The following LRRC4C variants were observed in gnomAD, a reference collection of about 807,000 sequenced individuals.
LRRC4C encodes leucine-rich repeat-containing protein 4C.
In LRRC4C, 5 loss-of-function variants were observed where a neutral mutation model predicts 33.6. The observed-to-expected ratio is 0.15, with a 90% CI of 0.08 to 0.31. The LOEUF (loss-of-function observed/expected upper bound fraction) is 0.31. Ranked by LOEUF, LRRC4C falls within the 10% of genes least tolerant of loss-of-function variation. The probability of loss-of-function intolerance (pLI) is 1.00; values close to 1 mark genes in which losing one functional copy is unlikely to be tolerated. For synonymous variants in LRRC4C, 329 were observed against 302.0 expected (o/e 1.09, Z -0.93); for missense variants, 560 against 796.7 (o/e 0.70, Z 3.58).
intron 3 of LRRC4C, among the ~76,000 whole-genome samples, chr11:40,344,354 C>A (rs1947022699): frequency 6.6e-6 from 1 of 152,030 alleles, no homozygotes; most frequent in African/African-American, 2.4e-5. Context: ...AACATATAAG[C>A]AAATCAATAA....
At chr11:40,901,063 C>G (rs1956175365) in intron 2 of LRRC4C, among the ~76,000 whole-genome samples, 1 of 151,926 alleles carries the variant, frequency 6.6e-6, no homozygotes, top group African/African-American at 2.4e-5. Context: ...TTTTCAATTC[C>G]TTTTCTTTTA....
chr11:40,470,044 C>G (rs538887639), intron 3 of LRRC4C, among the ~76,000 whole-genome samples: 2 of 152,324 alleles, frequency 1.3e-5, no homozygotes, highest in Admixed American at 1.3e-4. Context: ...AAGGGACAGA[C>G]TGCCTCCTCA....
At chr11:40,387,117 A>G (rs760031205) in intron 3 of LRRC4C, among the ~76,000 whole-genome samples, 8 of 152,170 alleles carry the variant, frequency 5.3e-5, no homozygotes, top group Non-Finnish European at 8.8e-5. Flanking sequence ...GAGTTGGAGA[A>G]ATTATATAGA....
chr11:41,445,205 C>T (rs762695118), intron 1 of LRRC4C, among the ~76,000 whole-genome samples: 1 of 152,214 alleles, frequency 6.6e-6, no homozygotes, highest in African/African-American at 2.4e-5. Flanking sequence ...TTCACCATCT[C>T]TCTTCCTTCC....
chr11:41,121,973 G>A (rs1250025427), intron 1 of LRRC4C, among the ~76,000 whole-genome samples: 1 of 152,008 alleles, frequency 6.6e-6, no homozygotes, highest in Non-Finnish European at 1.5e-5. Flanking sequence ...ACAAATGGTA[G>A]GGGAATGACA....
intron 4 of LRRC4C, among the ~76,000 whole-genome samples, chr11:40,281,195 C>T (rs984569926): frequency 2.0e-5 from 3 of 152,136 alleles, no homozygotes; most frequent in Non-Finnish European, 4.4e-5. Context: ...TCCATTCTTG[C>T]CTTCCTGCAC....
chr11:40,141,676 T>C (rs1325000942), intron 5 of LRRC4C, among the ~76,000 whole-genome samples: 3 of 151,488 alleles, frequency 2.0e-5, no homozygotes, highest in Non-Finnish European at 2.9e-5. Context: ...CTATCAAGAG[T>C]AAGTATGGAG....
At chr11:41,018,913 A>T (rs980454901) in intron 1 of LRRC4C, among the ~76,000 whole-genome samples, 3 of 152,082 alleles carry the variant, frequency 2.0e-5, no homozygotes, top group Non-Finnish European at 4.4e-5. Context: ...ATATGCTGTA[A>T]AATTTACCCT....
chr11:40,574,130 C>G (rs1335665817), intron 3 of LRRC4C, among the ~76,000 whole-genome samples: 1 of 152,136 alleles, frequency 6.6e-6, no homozygotes, highest in African/African-American at 2.4e-5. Flanking sequence ...AAAAAACTCT[C>G]TCTAGAGAAA....
At chr11:41,091,401 T>C (rs1940407295) in intron 1 of LRRC4C, among the ~76,000 whole-genome samples, 1 of 152,054 alleles carries the variant, frequency 6.6e-6, no homozygotes, top group Non-Finnish European at 1.5e-5. Flanking sequence ...TGCTTATGGC[T>C]AAAATAATTA....
chr11:40,578,459 A>G (rs1399635850), intron 3 of LRRC4C, among the ~76,000 whole-genome samples: 2 of 152,092 alleles, frequency 1.3e-5, no homozygotes, highest in Non-Finnish European at 2.9e-5. Context: ...TGTAAGAGAT[A>G]ATACTACTGA....
intron 1 of LRRC4C, among the ~76,000 whole-genome samples, chr11:41,221,009 T>G (rs552339711): frequency 2.4e-4 from 37 of 152,326 alleles, no homozygotes; most frequent in African/African-American, 8.7e-4. Context: ...TATTTTAAGT[T>G]CGGGGGTACA....
chr11:40,790,618 G>C (rs1565065858), intron 2 of LRRC4C, among the ~76,000 whole-genome samples: 1 of 152,186 alleles, frequency 6.6e-6, no homozygotes, highest in African/African-American at 2.4e-5. Context: ...TCAAACAGAA[G>C]CATAGACAAC....
intron 3 of LRRC4C, among the ~76,000 whole-genome samples, chr11:40,325,885 AC>A (rs1236676501): frequency 2.6e-5 from 4 of 152,072 alleles, no homozygotes; most frequent in Non-Finnish European, 5.9e-5. Context: ...GATACTACTC[AC>A]AATTAGATTA....
At chr11:41,356,248 T>A (rs1244963777) in intron 1 of LRRC4C, among the ~76,000 whole-genome samples, 2 of 152,174 alleles carry the variant, frequency 1.3e-5, no homozygotes, top group Non-Finnish European at 2.9e-5. Flanking sequence ...TTATGAATGA[T>A]GTTATAGGTA....
chr11:40,171,994 G>A (rs1020756356), intron 5 of LRRC4C, among the ~76,000 whole-genome samples: 16 of 152,128 alleles, frequency 1.1e-4, no homozygotes, highest in Non-Finnish European at 1.9e-4. Flanking sequence ...TCCGGCCTGG[G>A]CAACAGAGTT....
chr11:41,003,230 C>T (rs1466818522), intron 1 of LRRC4C, among the ~76,000 whole-genome samples: 3 of 151,902 alleles, frequency 2.0e-5, no homozygotes, highest in South Asian at 2.1e-4. Context: ...TTTTTAAATA[C>T]CATTTTTTCA....
chr11:41,291,303 G>A (rs1949985943), intron 1 of LRRC4C, among the ~76,000 whole-genome samples: 1 of 152,056 alleles, frequency 6.6e-6, no homozygotes, highest in Non-Finnish European at 1.5e-5. Context: ...GGGACACTCA[G>A]GGGTAATAAA....
intron 1 of LRRC4C, among the ~76,000 whole-genome samples, chr11:41,325,665 T>C (rs1265181428): frequency 6.6e-6 from 1 of 150,656 alleles, no homozygotes; most frequent in Non-Finnish European, 1.5e-5. Flanking sequence ...TTTTAGATCT[T>C]CACTGCAAAA....
Sources: gnomAD v4.1 joint callset for allele counts (sites outside exome capture counted in the v4.1 genomes callset) on GRCh38, gnomAD v4.1.1 for gene constraint, MANE v1.5 for transcripts, NCBI Gene and HGNC (gene_info 2026-07-23, HGNC 2026-07-21) for gene names.